Variants in TLE2 observed in about 807,000 individuals in gnomAD.
TLE2 encodes transducin-like enhancer protein 2.
TLE2 carries 74 observed loss-of-function variants against 97.2 expected under a neutral mutation model. The ratio of observed to expected loss-of-function variants is 0.76; its 90% CI spans 0.63 to 0.92. TLE2 has a LOEUF of 0.92. TLE2 is among the 40% of genes least tolerant of loss of function. The pLI, the probability that TLE2 is intolerant of heterozygous loss-of-function variation, is 0.00. For synonymous variants in TLE2, 499 were observed against 432.1 expected (o/e 1.15, Z -1.92); for missense variants, 1,038 against 1,008.7 (o/e 1.03, Z -0.39).
chr19:3,017,310 G>C (rs1037825108), intron 8 of TLE2, among the ~76,000 whole-genome samples: 3 of 151,054 alleles, frequency 2.0e-5, no homozygotes, highest in African/African-American at 7.3e-5. Context: ...GCTAATTTTT[G>C]AATTTTTAGT....
rs74346037 is a variant in TLE2 at position 3,028,914 on chromosome 19, C to G, written c.-10G>C. ...TTCCCTGGGGGTACATCCTGCCGAT[C>G]CGAAAAGCCCCCCAGGCGCCACCAG... On this transcript the variant is annotated 5_prime_UTR_variant, in exon 1 of 20. Transcript: ENST00000262953. 6.2e-7 allele frequency: 1 copy of G among 1,609,558 alleles called. No individual in the cohort carries two copies. The highest frequency in any genetic ancestry group is 8.5e-7 in the Non-Finnish European group (1 of 1,179,266).
At chr19:3,012,656 G>C (rs1292194062) in intron 11 of TLE2, among the ~76,000 whole-genome samples, 1 of 152,210 alleles carries the variant, frequency 6.6e-6, no homozygotes, top group African/African-American at 2.4e-5. Flanking sequence ...CCCACAGAGA[G>C]GGAGGTGTCA....
chr19:3,024,524 C>T (rs368515974), intron 5 of TLE2, among the ~76,000 whole-genome samples: 1 of 152,078 alleles, frequency 6.6e-6, no homozygotes, highest in African/African-American at 2.4e-5. Context: ...CTGGGACCTC[C>T]TAGGAGTGGA....
chr19:3,025,200 G>A (rs2089921629), intron 4 of TLE2, 118 bp from the exon 5 acceptor site: 1 of 1,136,210 alleles, frequency 8.8e-7, no homozygotes, highest in Non-Finnish European at 1.2e-6. Context: ...GACGCCCGCA[G>A]GTGCACAGAG....
chr19:3,045,661 GTC>G (rs1568258369), intron 1 of TLE2: 1 of 396,732 alleles, frequency 2.5e-6, no homozygotes, highest in East Asian at 7.6e-5. Flanking sequence ...ACCCCACCCC[GTC>G]TCTACTAAAA....
chr19:3,012,512 C>A (rs1012799054), intron 11 of TLE2, among the ~76,000 whole-genome samples: 38 of 152,248 alleles, frequency 2.5e-4, no homozygotes, highest in African/African-American at 8.7e-4. Context: ...CCACAGCACC[C>A]AGCCACTGTT....
Position 3,011,136 on chromosome 19 carries a change from C to A in TLE2, c.898G>T (p.Ala300Ser). The change falls in exon 12 of 20, where the codon GCC (alanine) becomes TCC (serine). Residue 300 changes from alanine to serine, a missense_variant. By Grantham distance (99) the Ala-to-Ser change is moderately conservative (BLOSUM62 1). Transcript: ENST00000262953. ...GGGGAGGAGTCACAGGATTTGGAGG[C>A]AGGAGTGCTGGCGGGAAGGTCATTC... ...ILNDLPASTP[A>S]SKSCDSSPPQ... 1 of 1,607,080 alleles carries A rather than the reference C, an allele frequency of 6.2e-7. No homozygotes were observed. The highest frequency in any genetic ancestry group is 8.5e-7 in the Non-Finnish European group (1 of 1,176,910).
At chr19:2,998,519 C>A (rs2089277618) in intron 19 of TLE2, among the ~76,000 whole-genome samples, 1 of 152,076 alleles carries the variant, frequency 6.6e-6, no homozygotes, top group African/African-American at 2.4e-5. Flanking sequence ...CTCAGGTGAT[C>A]CGCCTGCCTT....
At chr19:3,002,029 C>T (rs2089374290) in intron 18 of TLE2, among the ~76,000 whole-genome samples, 1 of 152,018 alleles carries the variant, frequency 6.6e-6, no homozygotes, top group Non-Finnish European at 1.5e-5. Context: ...AACTCCTGAC[C>T]TCAGGTGATC....
At chr19:3,017,904 G>A (rs1258527820) in intron 7 of TLE2, 45 bp from the exon 8 acceptor site, 1 of 1,601,104 alleles carries the variant, frequency 6.2e-7, no homozygotes, top group Non-Finnish European at 8.5e-7. Flanking sequence ...GAGAAAGAAT[G>A]AGGCGTTTGT....
intron 18 of TLE2, 30 bp downstream of exon 18, chr19:3,002,323 G>A (rs1046563577): frequency 6.3e-7 from 1 of 1,576,336 alleles, no homozygotes; most frequent in African/African-American, 1.4e-5. Flanking sequence ...GGGGTTTTGA[G>A]GGCGTGCCAC....
chr19:3,028,660 C>G (rs1249858005), intron 2 of TLE2, 46 bp downstream of exon 2: 1 of 1,605,510 alleles, frequency 6.2e-7, no homozygotes, highest in Non-Finnish European at 8.5e-7. Flanking sequence ...CGCCCCGCCC[C>G]GGCGCCCAGG....
At chr19:3,012,559 A>G (rs216268) in intron 11 of TLE2, among the ~76,000 whole-genome samples, 9,523 of 152,234 alleles carry the variant, frequency 0.063, 553 homozygotes, top group African/African-American at 0.15. Flanking sequence ...AAACTCCGGG[A>G]TGGGCTCGTG....
upstream of TLE2, among the ~76,000 whole-genome samples, chr19:3,029,964 T>C (rs1430423113): frequency 1.3e-5 from 2 of 152,068 alleles, no homozygotes; most frequent in East Asian, 1.9e-4. Flanking sequence ...GCCCAGCTAA[T>C]TTTTTAATTT....
intron 18 of TLE2, among the ~76,000 whole-genome samples, chr19:3,001,272 CAA>C (rs34991673): frequency 0.016 from 2,325 of 142,656 alleles, 53 homozygotes; most frequent in African/African-American, 0.053. Flanking sequence ...GACTCTGTCT[CAA>C]AAAAAAAAAA....
At chr19:3,035,589 G>C (rs2145225527) in intron 1 of TLE2, among the ~76,000 whole-genome samples, 1 of 152,010 alleles carries the variant, frequency 6.6e-6, no homozygotes, top group South Asian at 2.1e-4. Context: ...GGATTGCTCA[G>C]ACCACCTTAA....
chr19:3,041,556 C>T (rs1399592813), intron 1 of TLE2, among the ~76,000 whole-genome samples: 2 of 152,226 alleles, frequency 1.3e-5, no homozygotes, highest in African/African-American at 4.8e-5. Context: ...GGCCTCCCCT[C>T]CTCTCCTGGG....
intron 5 of TLE2, among the ~76,000 whole-genome samples, chr19:3,022,156 C>T (rs2089856859): frequency 6.6e-6 from 1 of 151,926 alleles, no homozygotes; most frequent in Non-Finnish European, 1.5e-5. Flanking sequence ...TCAAGCAATT[C>T]TCCTGCCTCA....
intron 1 of TLE2, among the ~76,000 whole-genome samples, chr19:3,044,658 G>A (rs1017418233): frequency 6.6e-6 from 1 of 152,204 alleles, no homozygotes; most frequent in Non-Finnish European, 1.5e-5. Context: ...GGCCTGACGT[G>A]ACCCTCCTGC....
Sources: gnomAD v4.1 joint callset for allele counts (sites outside exome capture counted in the v4.1 genomes callset) on GRCh38, gnomAD v4.1.1 for gene constraint, MANE v1.5 for transcripts, NCBI Gene and HGNC (gene_info 2026-07-23, HGNC 2026-07-21) for gene names.